Variants in FIGN observed in about 807,000 individuals in gnomAD.
FIGN encodes the protein fidgetin.
In FIGN, 11 loss-of-function variants were observed where a neutral mutation model predicts 51.3. That is an observed-to-expected ratio of 0.21 (90% CI 0.13 to 0.35). The LOEUF is 0.35. Ranked by LOEUF, FIGN falls within the 10% of genes least tolerant of loss-of-function variation. The pLI is 1.00. For missense variants in FIGN, 857 were observed against 943.6 expected (o/e 0.91, Z 1.20); for synonymous variants, 407 against 363.2 (o/e 1.12, Z -1.37).
At chr2:163,643,226 A>G (rs1683330449) in intron 2 of FIGN, among the ~76,000 whole-genome samples, 1 of 152,240 alleles carries the variant, frequency 6.6e-6, no homozygotes, top group Non-Finnish European at 1.5e-5. Flanking sequence ...AAATAAATGC[A>G]TGTTTATGGG....
intron 2 of FIGN, among the ~76,000 whole-genome samples, chr2:163,645,330 T>C (rs1398439563): frequency 1.3e-5 from 2 of 152,234 alleles, no homozygotes; most frequent in East Asian, 3.9e-4. Flanking sequence ...GGAAAGGCCC[T>C]AGCATTGCAA....
intron 2 of FIGN, among the ~76,000 whole-genome samples, chr2:163,711,339 TATG>T (rs1448667034): frequency 3.3e-5 from 5 of 152,156 alleles, no homozygotes; most frequent in Non-Finnish European, 4.4e-5. Context: ...AAACAATGAA[TATG>T]ATAAGATAAA....
intron 2 of FIGN, among the ~76,000 whole-genome samples, chr2:163,655,654 G>T (rs1004553136): frequency 1.1e-4 from 17 of 151,984 alleles, no homozygotes; most frequent in East Asian, 1.9e-4. Context: ...CCAGACTCCT[G>T]AGGCTGATGC....
chr2:163,697,723 T>C (rs1684344626), intron 2 of FIGN, among the ~76,000 whole-genome samples: 1 of 152,126 alleles, frequency 6.6e-6, no homozygotes, highest in Non-Finnish European at 1.5e-5. Context: ...CATGGGACCA[T>C]ATGCAAGTAA....
chr2:163,727,988 T>C (rs1300178970), intron 2 of FIGN, among the ~76,000 whole-genome samples: 1 of 152,170 alleles, frequency 6.6e-6, no homozygotes, highest in Non-Finnish European at 1.5e-5. Context: ...GTTATTGCAA[T>C]ACAAATTGAG....
chr2:163,718,252 C>A (rs534887914), intron 2 of FIGN, among the ~76,000 whole-genome samples: 1 of 152,260 alleles, frequency 6.6e-6, no homozygotes, highest in Non-Finnish European at 1.5e-5. Context: ...GGAAAAACAG[C>A]ACAGCTCAGA....
At chr2:163,721,945 C>G (rs1194751675) in intron 2 of FIGN, among the ~76,000 whole-genome samples, 1 of 152,136 alleles carries the variant, frequency 6.6e-6, no homozygotes, top group Non-Finnish European at 1.5e-5. Context: ...TAAATCTTGT[C>G]AAATACTGTT....
intron 2 of FIGN, among the ~76,000 whole-genome samples, chr2:163,634,638 A>C (rs1683197876): frequency 6.6e-6 from 1 of 152,238 alleles, no homozygotes; most frequent in African/African-American, 2.4e-5. Flanking sequence ...ATGATGCTAC[A>C]GTGCACATTT....
chr2:163,603,830 G>C lies in FIGN; in HGVS notation c.*5722C>G, dbSNP rs922940847. On this transcript the variant is annotated 3_prime_UTR_variant, in exon 3 of 3. Transcript: ENST00000333129. ...TAAAACTAAGTGTTCTTTTGCTACT[G>C]TAATATAGAGCTGGTGAAGAAAAAG... The C allele has an allele frequency of 6.6e-6, 1 of 152,062 alleles. No individual in the cohort carries two copies. The highest frequency in any genetic ancestry group is 6.6e-5 in the Admixed American group (1 of 15,236). The allele number at this position is 152,062 out of a possible 1,614,324, so 9.4% of individuals were successfully genotyped here. A position where few individuals can be genotyped will look rare whatever the true frequency, so the allele number is the denominator to read the frequency against.
chr2:163,649,384 T>G (rs548731512), intron 2 of FIGN, among the ~76,000 whole-genome samples: 3 of 152,324 alleles, frequency 2.0e-5, no homozygotes, highest in Non-Finnish European at 4.4e-5. Context: ...CCTAACAGCT[T>G]CGCCTTTTCT....
chr2:163,614,833 C>T (rs975173907), intron 2 of FIGN, among the ~76,000 whole-genome samples: 4 of 151,872 alleles, frequency 2.6e-5, no homozygotes, highest in African/African-American at 4.8e-5. Context: ...TAAAAAAACA[C>T]AGGAGGTGGG....
At chr2:163,720,971 A>AAAATAAAT (rs768387252) in intron 2 of FIGN, among the ~76,000 whole-genome samples, 1 of 152,152 alleles carries the variant, frequency 6.6e-6, no homozygotes, top group African/African-American at 2.4e-5. Context: ...ATATAGGGTC[A>AAAATAAAT]AAATAAATAA....
chr2:163,660,172 G>T (rs1683628570), intron 2 of FIGN, among the ~76,000 whole-genome samples: 1 of 152,022 alleles, frequency 6.6e-6, no homozygotes, highest in Non-Finnish European at 1.5e-5. Context: ...TGATCTTATT[G>T]AATAAAAGAA....
At position 163,713,448 on chromosome 2, in the gene FIGN, CCACA is replaced by C. The variant is rs145575229; in HGVS notation, c.25+21451_25+21454del. On this transcript the variant is annotated intron_variant, in intron 2 of 2. Coordinates refer to ENST00000333129, the MANE Select transcript of FIGN (RefSeq NM_018086.4). ...CACACACAGATGTCTCTTTCACACA[CCACA>C]CACACACACACACACACAGAGCCTG... Among the ~76,000 whole-genome samples the C allele has an allele frequency of 1.4e-4, 21 of 148,418 alleles. 1 individual carries two copies. In the East Asian group the frequency reaches 3.8e-3, roughly 27 times the overall value.
At chr2:163,722,075 A>G (rs950374532) in intron 2 of FIGN, among the ~76,000 whole-genome samples, 10 of 152,222 alleles carry the variant, frequency 6.6e-5, no homozygotes, top group Admixed American at 1.3e-4. Flanking sequence ...CCACGAGCAC[A>G]CAAACCCAAC....
chr2:163,618,414 C>T (rs1274499783), intron 2 of FIGN, among the ~76,000 whole-genome samples: 2 of 145,680 alleles, frequency 1.4e-5, no homozygotes, highest in African/African-American at 2.5e-5. Context: ...TAAAACAATG[C>T]TTTTTTTTTT....
chr2:163,610,126 G>T lies in FIGN; in HGVS notation c.1706C>A (p.Ala569Asp). 6.2e-7 allele frequency: 1 copy of T among 1,614,070 alleles called. No homozygotes were observed. The highest frequency in any genetic ancestry group is 8.5e-7 in the Non-Finnish European group (1 of 1,179,992). The change falls in exon 3 of 3, where the codon GCC (alanine) becomes GAC (aspartate). Residue 569 changes from alanine to aspartate, a missense_variant. By Grantham distance (126) the Ala-to-Asp change is moderately radical. This residue lies in a region of FIGN where 799 missense variants were observed against 849.5 expected (regional missense o/e 0.94). Coordinates refer to ENST00000333129, the MANE Select transcript of FIGN (RefSeq NM_018086.4). ...GCGACACCTGGCCACAAGAAAAGAG[G>T]CATGGATAATTTTCTCTGCTTCTCC... ...WLGEAEKIIH[A>D]SFLVARCRQP...
intron 2 of FIGN, among the ~76,000 whole-genome samples, chr2:163,710,596 G>A (rs1004362569): frequency 6.6e-6 from 1 of 152,182 alleles, no homozygotes; most frequent in African/African-American, 2.4e-5. Context: ...AGACAGAATT[G>A]AGTTCAGTTC....
chr2:163,644,706 A>T (rs111650705), intron 2 of FIGN, among the ~76,000 whole-genome samples: 2,217 of 152,292 alleles, frequency 0.015, 50 homozygotes, highest in African/African-American at 0.049. Flanking sequence ...GGAATGGATT[A>T]AAAAAAGTCA....
Sources: allele counts gnomAD v4.1 joint callset (sites outside exome capture counted in the v4.1 genomes callset), GRCh38; gene constraint gnomAD v4.1.1; regional missense constraint gnomAD v4.1.1; transcripts MANE v1.5; gene names NCBI Gene and HGNC (gene_info 2026-07-23, HGNC 2026-07-21).